The following PPP1R21 variants were observed in gnomAD, a reference collection of about 807,000 sequenced individuals.
The protein encoded by PPP1R21 is KLRAQ motif containing 1.
PPP1R21 carries 85 observed loss-of-function variants against 112.8 expected under a neutral mutation model. The ratio of observed to expected loss-of-function variants is 0.75; its 90% CI spans 0.63 to 0.90. The LOEUF (loss-of-function observed/expected upper bound fraction) is 0.90, where lower values mean the gene tolerates loss of function less well. Ranked by LOEUF, PPP1R21 falls within the 40% of genes least tolerant of loss-of-function variation. The pLI is 0.00. For synonymous variants in PPP1R21, 381 were observed against 322.3 expected, an observed-to-expected ratio of 1.18 and a Z score of -1.95; for missense variants, 1,199 against 901.5, an observed-to-expected ratio of 1.33 and a Z score of -4.23.
At chr2:48,459,177 A>AG (rs1667866948) in intron 4 of PPP1R21, among the ~76,000 whole-genome samples, 4 of 146,868 alleles carry the variant, frequency 2.7e-5, no homozygotes, top group Non-Finnish European at 6.1e-5. Context: ...AAATGGTAGG[A>AG]AACACACACA....
chr2:48,452,258 G>C (rs1274755204), intron 2 of PPP1R21, among the ~76,000 whole-genome samples: 1 of 152,146 alleles, frequency 6.6e-6, no homozygotes, highest in Non-Finnish European at 1.5e-5. Context: ...TGGCAGTAAT[G>C]GTAGGAACAG....
rs1203488837 is a variant in PPP1R21 at position 48,440,975 on chromosome 2, G to A, written c.22G>A (p.Gly8Arg). Residue 8 changes from glycine (G) to arginine (R), a missense_variant, in exon 1 of 22, where the codon GGG (glycine) becomes AGG (arginine). Coordinates refer to ENST00000294952, the MANE Select transcript of PPP1R21 (RefSeq NM_001135629.3). The stretch of plus-strand genomic sequence containing the variant: ...GGCCATGGCCTCGGCTGAGTTGCAG[G>A]GGAAGTACCAGAAGCTGGCTCAGGA... MASAELQ[G>R]KYQKLAQEYS... is the part of the protein sequence containing the mutation. 1.2e-6 allele frequency: 2 copies of A among 1,612,368 alleles called. No homozygotes were observed. The highest frequency in any genetic ancestry group is 3.3e-5 in the Admixed American group (2 of 59,964).
intron 13 of PPP1R21, among the ~76,000 whole-genome samples, chr2:48,485,374 A>G (rs1669238460): frequency 6.6e-6 from 1 of 152,050 alleles, no homozygotes; most frequent in Non-Finnish European, 1.5e-5. Context: ...TCTTATGACT[A>G]TGTTGAGCAT....
intron 3 of PPP1R21, among the ~76,000 whole-genome samples, chr2:48,456,680 G>A (rs1193259136): frequency 6.6e-6 from 1 of 152,206 alleles, no homozygotes; most frequent in Non-Finnish European, 1.5e-5. Context: ...ATTCCCGAGA[G>A]TGTTAGTGTT....
chr2:48,480,482 C>T (rs1390733008), intron 13 of PPP1R21, among the ~76,000 whole-genome samples: 1 of 152,160 alleles, frequency 6.6e-6, no homozygotes, highest in East Asian at 1.9e-4. Flanking sequence ...TTGGGCATAG[C>T]CTTAAGAAAT....
At chr2:48,461,070 A>G (rs1667954865) in intron 6 of PPP1R21, 68 bp from the exon 7 acceptor site, 7 of 1,523,352 alleles carry the variant, frequency 4.6e-6, no homozygotes, top group Non-Finnish European at 6.1e-6. Context: ...CTGTTGAGGT[A>G]ACAAATAAAT....
In PPP1R21 at chr2:48,474,652, G is replaced by T. The variant is rs780724734; in HGVS notation, c.1089-31G>T. The T allele has an allele frequency of 4.4e-6, 7 of 1,587,040 alleles. No homozygotes were observed. The Admixed American group carries it at 1.3e-4, about 28-fold the overall frequency. ...TAGCTAATTGAAAATCGTTTGGGAT[G>T]CTCACTTCTTAAAAATCTGCCTATT... On this transcript the variant is annotated intron_variant, in intron 11 of 21. Coordinates refer to ENST00000294952, the MANE Select transcript of PPP1R21 (RefSeq NM_001135629.3).
intron 2 of PPP1R21, 153 bp from the exon 3 acceptor site, chr2:48,454,442 A>G: frequency 1.2e-6 from 1 of 845,734 alleles, no homozygotes; most frequent in South Asian, 1.7e-5. Flanking sequence ...CAAAGTGCTA[A>G]AAACTTAAGA....
chr2:48,462,712 C>T (rs1464359237), intron 7 of PPP1R21, among the ~76,000 whole-genome samples: 1 of 152,096 alleles, frequency 6.6e-6, no homozygotes. Flanking sequence ...GAACTTCATT[C>T]ATAAGGCCAT....
At chr2:48,500,775 G>A (rs1363992704) in intron 17 of PPP1R21, among the ~76,000 whole-genome samples, 3 of 152,092 alleles carry the variant, frequency 2.0e-5, no homozygotes, top group Non-Finnish European at 2.9e-5. Context: ...CAGGCGTGGC[G>A]GCCTGCGCCT....
At chr2:48,496,228 T>C (rs976450878) in intron 16 of PPP1R21, among the ~76,000 whole-genome samples, 9 of 151,936 alleles carry the variant, frequency 5.9e-5, no homozygotes, top group African/African-American at 2.2e-4. Context: ...AAAAAAAATA[T>C]GTATATATTT....
intron 11 of PPP1R21, 115 bp downstream of exon 11, chr2:48,471,482 A>G (rs973183793): frequency 9.4e-7 from 1 of 1,060,478 alleles, no homozygotes; most frequent in African/African-American, 1.6e-5. Flanking sequence ...TTTCTGCTTC[A>G]CAGTTAATTT....
intron 13 of PPP1R21, among the ~76,000 whole-genome samples, chr2:48,481,819 C>G (rs1669025976): frequency 1.3e-5 from 2 of 152,156 alleles, no homozygotes. Flanking sequence ...AAATCTTAAG[C>G]TTTTCAAGTG....
Position 48,491,034 on chromosome 2 carries a change from G to C in PPP1R21, c.1463G>C (p.Ser488Thr), listed in dbSNP as rs777297419. 1.9e-6 allele frequency: 3 copies of C among 1,613,944 alleles called. No homozygotes were observed. The highest frequency in any genetic ancestry group is 2.2e-5 in the East Asian group (1 of 44,876). The part of the protein sequence containing the change: ...NGAGKIASFF[S>T]NNLDYFIASL... ...TTTGTTTAGATTGCATCCTTCTTCA[G>C]CAACAATTTGGACTACTTCATTGCT... Residue 488 changes from serine to threonine, a missense_variant, in exon 15 of 22, where the codon AGC (serine) becomes ACC (threonine). Physicochemically the swap from Ser to Thr is moderately conservative, Grantham distance 58. Coordinates refer to ENST00000294952, the MANE Select transcript of PPP1R21 (RefSeq NM_001135629.3).
intron 13 of PPP1R21, among the ~76,000 whole-genome samples, chr2:48,483,947 C>G (rs964218206): frequency 4.6e-5 from 7 of 152,114 alleles, no homozygotes; most frequent in African/African-American, 1.7e-4. Context: ...TTCGGTCTCC[C>G]AAAGTGCTGG....
intron 1 of PPP1R21, among the ~76,000 whole-genome samples, chr2:48,449,589 C>T (rs1273951551): frequency 6.6e-6 from 1 of 152,150 alleles, no homozygotes; most frequent in Non-Finnish European, 1.5e-5. Flanking sequence ...ATCTCAGAAT[C>T]TTAGCTAAAT....
At chr2:48,458,753 A>C (rs1340761943) in intron 4 of PPP1R21, among the ~76,000 whole-genome samples, 6 of 152,072 alleles carry the variant, frequency 3.9e-5, no homozygotes, top group Non-Finnish European at 8.8e-5. Flanking sequence ...TATTTATGGA[A>C]TGTTGAAAAG....
At chr2:48,481,408 A>G (rs1399634043) in intron 13 of PPP1R21, among the ~76,000 whole-genome samples, 1 of 152,220 alleles carries the variant, frequency 6.6e-6, no homozygotes, top group African/African-American at 2.4e-5. Context: ...GTCCTGCAGA[A>G]TTTAGTTTGG....
intron 16 of PPP1R21, among the ~76,000 whole-genome samples, chr2:48,497,674 C>T (rs1266470547): frequency 5.8e-5 from 8 of 138,526 alleles, no homozygotes; most frequent in African/African-American, 1.6e-4. Context: ...TTTTTGGAGA[C>T]GGAGTCTTAC....
Sources: gnomAD v4.1 joint callset for allele counts (sites outside exome capture counted in the v4.1 genomes callset) on GRCh38, gnomAD v4.1.1 for gene constraint, MANE v1.5 for transcripts, NCBI Gene and HGNC (gene_info 2026-07-23, HGNC 2026-07-21) for gene names.